The following PACRGL variants were observed in gnomAD, a reference collection of about 807,000 sequenced individuals.
PACRGL encodes PACRG-like protein.
A neutral mutation model predicts 34.5 loss-of-function variants in PACRGL; 38 were observed. The observed-to-expected ratio is 1.10, with a 90% CI of 0.85 to 1.44. The LOEUF is 1.44. Among genes scored for constraint, PACRGL ranks in the 40% most tolerant of loss-of-function variants. The pLI, the probability that PACRGL is intolerant of heterozygous loss-of-function variation, is 0.00. For synonymous variants in PACRGL, 128 were observed against 100.1 expected (o/e 1.28, Z -1.66); for missense variants, 305 against 281.4 (o/e 1.08, Z -0.60).
At chr4:20,699,081 G>A (rs1731425852), upstream of PACRGL, among the ~76,000 whole-genome samples, 1 of 152,180 alleles carries the variant, frequency 6.6e-6, no homozygotes, top group South Asian at 2.1e-4. Flanking sequence ...AGTCCAGGGA[G>A]GAGGGGTTAA....
At chr4:20,719,741 T>A (rs1742058435) in intron 7 of PACRGL, among the ~76,000 whole-genome samples, 1 of 151,942 alleles carries the variant, frequency 6.6e-6, no homozygotes, top group African/African-American at 2.4e-5. Flanking sequence ...AGGAGTGCTT[T>A]ACTTCCAACT....
At chr4:20,707,758 C>T in intron 3 of PACRGL, 45 bp from the exon 4 acceptor site, 4 of 1,512,384 alleles carry the variant, frequency 2.6e-6, no homozygotes, top group Non-Finnish European at 3.7e-6. Context: ...GTGCTTCTGA[C>T]CTCAGAAGTA....
chr4:20,759,018 T>C, the PACRGL span: 2 of 668,224 alleles, frequency 3.0e-6, no homozygotes, highest in Non-Finnish European at 5.2e-6. Context: ...CATCCATTAT[T>C]ACAAAGGGAA....
chr4:20,721,357 G>A (rs182485942), intron 7 of PACRGL, among the ~76,000 whole-genome samples: 12 of 152,236 alleles, frequency 7.9e-5, no homozygotes, highest in East Asian at 1.9e-4. Flanking sequence ...GCTTAGTTCC[G>A]TTTCTGGTGA....
In PACRGL at chr4:20,731,903, A is replaced by G; in HGVS notation, c.*4562A>G. ...TGTTGTAGAAGTGGTAAACTTAGGC[A>G]TATGATCTCTATATTTCGCCCAGTT... is the stretch of plus-strand genomic sequence containing the variant. On this transcript the variant is annotated 3_prime_UTR_variant, in exon 9 of 9. Transcript: ENST00000503585. The G allele has an allele frequency of 3.3e-6, 5 of 1,522,346 alleles. No homozygotes were observed. Among genetic ancestry groups the G allele is most frequent in the Non-Finnish European group, 3.5e-6 (4 of 1,133,968 alleles). 94.3% of individuals were successfully genotyped at this position (1,522,346 alleles called of 1,614,324 possible).
intron 8 of PACRGL, among the ~76,000 whole-genome samples, chr4:20,740,071 A>G (rs1464538384): frequency 2.6e-5 from 4 of 152,140 alleles, no homozygotes; most frequent in Non-Finnish European, 5.9e-5. Flanking sequence ...GCCTCCAGGA[A>G]ATATGGGACT....
At chr4:20,712,764 A>G (rs928198903) in intron 5 of PACRGL, 24 bp from the exon 6 acceptor site, 4 of 1,434,646 alleles carry the variant, frequency 2.8e-6, no homozygotes, top group Non-Finnish European at 3.7e-6. Context: ...GTAGTAAATC[A>G]TGTTTCCTCT....
Position 20,730,078 on chromosome 4 carries a change from C to CA in PACRGL, c.*2739dup, listed in dbSNP as rs1482194952. 2 of 1,606,954 alleles carry CA rather than the reference C, an allele frequency of 1.2e-6. No individual in the cohort carries two copies. The highest frequency in any genetic ancestry group is 1.1e-5 in the South Asian group (1 of 89,722). On this transcript the variant is annotated 3_prime_UTR_variant, in exon 9 of 9. Transcript: ENST00000503585. Reference sequence around the variant, plus strand: ...TCTGTTGGATTCAGGATCTATTTGACAAGTTAAATCACATTTTCAAAGAGC... The same window carrying CA: ...TCTGTTGGATTCAGGATCTATTTGACAAAGTTAAATCACATTTTCAAAGAGC...
chr4:20,737,023 G>A (rs975162580), downstream of PACRGL, among the ~76,000 whole-genome samples: 8 of 152,124 alleles, frequency 5.3e-5, no homozygotes, highest in East Asian at 1.9e-4. Context: ...ATTGATTTTC[G>A]ATAATGGTGC....
rs562293605 is a variant in PACRGL, at chr4:20,707,744, C to T, written c.208-59C>T. The T allele has an allele frequency of 1.1e-5, 16 of 1,430,794 alleles. No individual in the cohort carries two copies. In the South Asian group the frequency reaches 1.6e-4, roughly 14 times the overall value. The allele number at this position is 1,430,794 out of a possible 1,614,324, so 88.6% of individuals were successfully genotyped here. The stretch of plus-strand genomic sequence containing the variant: ...CTTGGCGGTTTGAAAAGCAAAATGG[C>T]TGTGTGCTTCTGACCTCAGAAGTAT... On this transcript the variant is annotated intron_variant, in intron 3 of 8. Coordinates refer to ENST00000503585, the MANE Select transcript of PACRGL (RefSeq NM_001258345.3).
chr4:20,725,705 C>G (rs1488342296), intron 8 of PACRGL, among the ~76,000 whole-genome samples: 1 of 151,972 alleles, frequency 6.6e-6, no homozygotes, highest in Non-Finnish European at 1.5e-5. Flanking sequence ...TTTAAAATGG[C>G]AGACATAAAG....
the PACRGL span, among the ~76,000 whole-genome samples, chr4:20,762,843 A>G: frequency 6.6e-6 from 1 of 152,180 alleles, no homozygotes; most frequent in Non-Finnish European, 1.5e-5. Context: ...GGTAATTTAT[A>G]AAGGAAAGAG....
chr4:20,738,497 A>T (rs534505100), intron 8 of PACRGL, among the ~76,000 whole-genome samples: 1 of 152,340 alleles, frequency 6.6e-6, no homozygotes, highest in African/African-American at 2.4e-5. Flanking sequence ...GGAAGCCTGT[A>T]CTGCTTCCAG....
intron 7 of PACRGL, among the ~76,000 whole-genome samples, chr4:20,718,334 C>T (rs1741174563): frequency 6.6e-6 from 1 of 152,116 alleles, no homozygotes; most frequent in African/African-American, 2.4e-5. Context: ...CTTTCTCCTG[C>T]CTGATTGCCC....
In PACRGL at chr4:20,731,619, TA is replaced by T. The variant is rs1748236623; in HGVS notation, c.*4279del. On this transcript the variant is annotated 3_prime_UTR_variant, in exon 9 of 9. Coordinates refer to ENST00000503585, the MANE Select transcript of PACRGL (RefSeq NM_001258345.3). ...AGAAGCTTGGCCTGTTGTGATGCCATACTTGGCTATCTAGGAATTCTAATGC... is the reference window on the plus strand; with the variant it reads ...AGAAGCTTGGCCTGTTGTGATGCCATCTTGGCTATCTAGGAATTCTAATGC... The T allele has an allele frequency of 7.1e-6, 7 of 985,200 alleles. No homozygotes were observed. The highest frequency in any genetic ancestry group is 4.8e-6 in the Non-Finnish European group (4 of 829,732). The allele number at this position is 985,200 out of a possible 1,614,324, so 61.0% of individuals were successfully genotyped here. A position where few individuals can be genotyped will look rare whatever the true frequency, so the allele number is the denominator to read the frequency against.
chr4:20,751,855 T>C (rs1259456513), intron 8 of PACRGL, among the ~76,000 whole-genome samples: 2 of 152,146 alleles, frequency 1.3e-5, no homozygotes, highest in Non-Finnish European at 1.5e-5. Context: ...GCAGTTCTTT[T>C]AGAAGTTACA....
rs1026977182 is a variant in PACRGL, at chr4:20,732,463, T to C, written c.*5122T>C. On this transcript the variant is annotated 3_prime_UTR_variant, in exon 9 of 9. Coordinates refer to ENST00000503585, the MANE Select transcript of PACRGL (RefSeq NM_001258345.3). ...AAACTTGTGAAACATGAGAACTGTT[T>C]AGTGTTGTATCTTGGATTTAGTGAA... Among the ~76,000 whole-genome samples, 1 of 152,228 alleles carries C rather than the reference T, an allele frequency of 6.6e-6. No homozygotes were observed. The highest frequency in any genetic ancestry group is 1.5e-5 in the Non-Finnish European group (1 of 68,036).
In PACRGL at chr4:20,719,695, C is replaced by CA. The variant is rs1468252454; in HGVS notation, c.610-5112dup. The stretch of plus-strand genomic sequence containing the variant: ...TTTGATTGCACTGTGGTCTGAGAGA[C>CA]AGTTTGTTATAATTTCTGTTCTTTT... On this transcript the variant is annotated intron_variant, in intron 7 of 8. Coordinates refer to ENST00000503585, the MANE Select transcript of PACRGL (RefSeq NM_001258345.3). Among the ~76,000 whole-genome samples, 914 of 151,150 alleles carry CA rather than the reference C, an allele frequency of 6.0e-3. 10 individuals carry two copies. Among genetic ancestry groups the CA allele is most frequent in the African/African-American group, 0.021 (859 of 40,480 alleles).
At chr4:20,741,422 A>C (rs868687836) in intron 8 of PACRGL, among the ~76,000 whole-genome samples, 4 of 152,242 alleles carry the variant, frequency 2.6e-5, no homozygotes, top group Non-Finnish European at 5.9e-5. Context: ...AACTCACTCA[A>C]AACTGCACAA....
Sources: gnomAD v4.1 joint callset for allele counts (sites outside exome capture counted in the v4.1 genomes callset) on GRCh38, gnomAD v4.1.1 for gene constraint, MANE v1.5 for transcripts, NCBI Gene and HGNC (gene_info 2026-07-23, HGNC 2026-07-21) for gene names.